The following POLRMT variants were observed in gnomAD, a reference collection of about 807,000 sequenced individuals.
POLRMT encodes RNA polymerase mitochondrial, also known as DNA-directed RNA polymerase, mitochondrial.
In POLRMT, 114 loss-of-function variants were observed where a neutral mutation model predicts 132.2. The ratio of observed to expected loss-of-function variants is 0.86; its 90% CI spans 0.74 to 1.01. The LOEUF (loss-of-function observed/expected upper bound fraction) is 1.01, where lower values mean the gene tolerates loss of function less well. POLRMT is among the 50% of genes least tolerant of loss of function. The probability of loss-of-function intolerance (pLI) is 0.00; values close to 1 mark genes in which losing one functional copy is unlikely to be tolerated. For synonymous variants in POLRMT, 1,020 were observed against 773.4 expected (o/e 1.32, Z -5.29); for missense variants, 2,003 against 1,729.1 (o/e 1.16, Z -2.81).
Position 633,529 on chromosome 19 carries a change from G to GGCGCCGCCGCCACCGCCGCC in POLRMT, c.-18_-17insGGCGGCGGTGGCGGCGGCGC. 2.0e-6 allele frequency: 3 copies of GGCGCCGCCGCCACCGCCGCC among 1,463,692 alleles called. No individual in the cohort carries two copies. The highest frequency in any genetic ancestry group is 2.5e-4 in the Middle Eastern group (1 of 4,038). 90.7% of individuals were successfully genotyped at this position (1,463,692 alleles called of 1,614,324 possible). On this transcript the variant is annotated 5_prime_UTR_variant, in exon 1 of 21. Coordinates refer to ENST00000588649, the MANE Select transcript of POLRMT (RefSeq NM_005035.4). ...TGCCGACATTACGCACGCCGCTCCA[G>GGCGCCGCCGCCACCGCCGCC]GCCACCCCACCGGCCCGCGCCTGCG...
In POLRMT at chr19:621,502, C is replaced by T. The variant is rs1262118285; in HGVS notation, c.2196G>A (p.Pro732=). ...QAKGCPQLGV[P]APPSEAPQPP... is the part of the protein sequence containing the mutation. ...GCTGGGGCGCCTCGGAGGGCGGGGC[C>T]GGCACGCCTAGCTGGGGGCAGCCCT... Residue 732 remains proline (P), a synonymous_variant, in exon 10 of 21, where the codon CCG becomes CCA. Coordinates refer to ENST00000588649, the MANE Select transcript of POLRMT (RefSeq NM_005035.4). 5.1e-6 allele frequency: 7 copies of T among 1,378,464 alleles called. No individual in the cohort carries two copies. The East Asian group carries it at 2.1e-4, about 42-fold the overall frequency. The allele number at this position is 1,378,464 out of a possible 1,614,324, so 85.4% of individuals were successfully genotyped here. A position where few individuals can be genotyped will look rare whatever the true frequency, so the allele number is the denominator to read the frequency against.
At chr19:629,406 G>C (rs1036001490) in intron 3 of POLRMT, 134 bp downstream of exon 3, 2 of 992,340 alleles carry the variant, frequency 2.0e-6, no homozygotes, top group East Asian at 5.7e-5. Context: ...TATTTGAAAA[G>C]CCTAAAAGAA....
chr19:624,325 G>T (rs1354514088), intron 5 of POLRMT, among the ~76,000 whole-genome samples: 2 of 152,240 alleles, frequency 1.3e-5, no homozygotes, highest in African/African-American at 2.4e-5. Context: ...TCCTTTTAGG[G>T]TGATGGAACA....
chr19:619,521 A>G lies in POLRMT; in HGVS notation c.3066+65T>C, dbSNP rs539936896. On this transcript the variant is annotated intron_variant, in intron 13 of 20. Coordinates refer to ENST00000588649, the MANE Select transcript of POLRMT (RefSeq NM_005035.4). ...CCTGCTGGGAGGCTGGGTCGGGGGC[A>G]CACCCGTCTGAGTTTTAAATGGCAG... is the stretch of plus-strand genomic sequence containing the variant. 1.1e-5 allele frequency: 17 copies of G among 1,587,932 alleles called. 1 individual carries two copies. In the South Asian group the frequency reaches 1.9e-4, roughly 18 times the overall value.
intron 8 of POLRMT, 93 bp downstream of exon 8, chr19:622,489 C>A: frequency 6.8e-7 from 1 of 1,480,724 alleles, no homozygotes; most frequent in African/African-American, 1.4e-5. Flanking sequence ...GATGAACAGA[C>A]TGAAGCTTGG....
At chr19:623,815 G>A (rs1984823054) in intron 5 of POLRMT, among the ~76,000 whole-genome samples, 1 of 152,184 alleles carries the variant, frequency 6.6e-6, no homozygotes, top group South Asian at 2.1e-4. Context: ...CCTCTAGAAG[G>A]GACACTGGGC....
Position 620,212 on chromosome 19 carries a change from G to A in POLRMT, c.2764-132C>T, listed in dbSNP as rs560054976. 22 of 1,456,122 alleles carry A rather than the reference G, an allele frequency of 1.5e-5. No individual in the cohort carries two copies. In the East Asian group the frequency reaches 4.0e-4, roughly 26 times the overall value. The allele number at this position is 1,456,122 out of a possible 1,614,324, so 90.2% of individuals were successfully genotyped here. ...GCCAAGTGCACCGGAGCCCCCGCAC[G>A]CTCCCGGGAGAGACCAGGAGCCATG... On this transcript the variant is annotated intron_variant, in intron 11 of 20. Coordinates refer to ENST00000588649, the MANE Select transcript of POLRMT (RefSeq NM_005035.4).
intron 2 of POLRMT, among the ~76,000 whole-genome samples, chr19:632,305 T>G (rs1985477115): frequency 6.6e-6 from 1 of 152,170 alleles, no homozygotes; most frequent in African/African-American, 2.4e-5. Context: ...AGACAGGATG[T>G]GGGACAGAAG....
intron 4 of POLRMT, 28 bp downstream of exon 4, chr19:625,096 G>A: frequency 6.2e-7 from 1 of 1,603,940 alleles, no homozygotes; most frequent in Non-Finnish European, 8.5e-7. Flanking sequence ...ACATGGTGGG[G>A]GGTGGGGGCC....
rs746642451 is a variant in POLRMT, at chr19:630,015, G to A, written c.347C>T (p.Pro116Leu). The A allele has an allele frequency of 3.9e-5, 63 of 1,613,774 alleles. No homozygotes were observed. The highest frequency in any genetic ancestry group is 6.7e-5 in the Admixed American group (4 of 60,028). The change falls in exon 3 of 21, where the codon CCG becomes CTG. Residue 116 changes from proline (P) to leucine (L), a missense_variant. Transcript: ENST00000588649. ...CTTTGCCCAGCGGCCACAGGGCACC[G>A]GGGTGGCATCCTTGGCCCCCATCTG... ...KVQMGAKDAT[P>L]VPCGRWAKIL...
chr19:632,545 G>T (rs55749356), intron 2 of POLRMT, among the ~76,000 whole-genome samples: 20,770 of 151,168 alleles, frequency 0.14, 1,586 homozygotes, highest in South Asian at 0.19. Flanking sequence ...CCGGGGGGGG[G>T]GTCTCTCCAG....
In POLRMT at chr19:626,898, C is replaced by CACACACACACACACAT. The variant is rs371959370; in HGVS notation, c.823-1645_823-1644insATGTGTGTGTGTGTGT. Among the ~76,000 whole-genome samples the CACACACACACACACAT allele has an allele frequency of 5.0e-3, 728 of 146,716 alleles. 22 individuals are homozygous for CACACACACACACACAT. The South Asian group carries it at 0.055, about 11-fold the overall frequency. On this transcript the variant is annotated intron_variant, in intron 3 of 20. Coordinates refer to ENST00000588649, the MANE Select transcript of POLRMT (RefSeq NM_005035.4). ...CTGTCTTAAAATATACACACACACA[C>CACACACACACACACAT]ATATATATATATATATAAAATAACA...
intron 9 of POLRMT, 78 bp from the exon 10 acceptor site, chr19:621,924 G>A (rs1473587699): frequency 1.1e-5 from 16 of 1,507,334 alleles, no homozygotes; most frequent in East Asian, 2.3e-5. Flanking sequence ...TTGGGTGAGA[G>A]GGGCCGGCTC....
chr19:621,054 C>G lies in POLRMT; in HGVS notation c.2640+4G>C. 1.9e-6 allele frequency: 3 copies of G among 1,596,714 alleles called. 1 individual carries two copies. Among genetic ancestry groups the G allele is most frequent in the Non-Finnish European group, 2.6e-6 (3 of 1,173,688 alleles). On this transcript the variant is annotated splice_donor_region_variant and intron_variant, in intron 10 of 20. Transcript: ENST00000588649. ...GGCGGGGAATGCGGGGGCCCCGCCC[C>G]TACCGTCAAGGGTTGGTCCGCGGAG...
rs757098630 is a variant in POLRMT at position 621,749 on chromosome 19, C to T, written c.1949G>A (p.Cys650Tyr). Residue 650 changes from cysteine to tyrosine, a missense_variant, in exon 10 of 21, where the codon TGC (cysteine) becomes TAC (tyrosine). Physicochemically the swap from Cys to Tyr is radical, Grantham distance 194. Transcript: ENST00000588649. ...TFEAVDVPML[C>Y]PPLPWTSPHS... ...CGGCGATGTCCAGGGCAGCGGGGGG[C>T]AAAGCATGGGTACATCCACCGCCTC... 9.4e-6 allele frequency: 15 copies of T among 1,600,632 alleles called. No individual in the cohort carries two copies. The highest frequency in any genetic ancestry group is 1.3e-5 in the Non-Finnish European group (15 of 1,179,448).
At chr19:631,612 C>A (rs1257962916) in intron 2 of POLRMT, among the ~76,000 whole-genome samples, 1 of 151,954 alleles carries the variant, frequency 6.6e-6, no homozygotes, top group Non-Finnish European at 1.5e-5. Flanking sequence ...GCACTCCAGC[C>A]TAGCAACAGA....
At chr19:617,746 G>T (rs575759646) in intron 18 of POLRMT, 31 bp downstream of exon 18, 2 of 1,612,504 alleles carry the variant, frequency 1.2e-6, no homozygotes, top group Non-Finnish European at 1.7e-6. Context: ...CCCCACCCAT[G>T]GGTGGACTGA....
Position 624,924 on chromosome 19 carries a change from G to A in POLRMT, c.954-19C>T. The A allele has an allele frequency of 3.1e-6, 5 of 1,592,998 alleles. No individual in the cohort carries two copies. Among genetic ancestry groups the A allele is most frequent in the Non-Finnish European group, 4.3e-6 (5 of 1,166,834 alleles). Reference sequence around the variant, plus strand: ...CAGACACCTGTGGTGCAGGCGGCCTGCTCGAGGGACGGGCCAGCCCCACGC... The same window carrying A: ...CAGACACCTGTGGTGCAGGCGGCCTACTCGAGGGACGGGCCAGCCCCACGC... On this transcript the variant is annotated intron_variant, in intron 4 of 20. Coordinates refer to ENST00000588649, the MANE Select transcript of POLRMT (RefSeq NM_005035.4).
chr19:626,457 T>C (rs1484653395), intron 3 of POLRMT, among the ~76,000 whole-genome samples: 1 of 149,092 alleles, frequency 6.7e-6, no homozygotes, highest in Non-Finnish European at 1.5e-5. Flanking sequence ...CCCAGCCATG[T>C]ATAGCTTAAA....
Sources: allele counts gnomAD v4.1 joint callset (sites outside exome capture counted in the v4.1 genomes callset), GRCh38; gene constraint gnomAD v4.1.1; transcripts MANE v1.5; gene names NCBI Gene and HGNC (gene_info 2026-07-23, HGNC 2026-07-21).